The following PPM1L variants were observed in gnomAD, a reference collection of about 807,000 sequenced individuals.
PPM1L encodes the protein protein phosphatase, Mg2+/Mn2+ dependent 1L.
Under a neutral mutation model 31.4 loss-of-function variants are expected in PPM1L, and 13 were observed. The ratio of observed to expected loss-of-function variants is 0.41; its 90% CI spans 0.27 to 0.66. PPM1L has a LOEUF of 0.66. PPM1L is among the 30% of genes least tolerant of loss of function. The pLI is 0.29. For synonymous variants in PPM1L, 184 were observed against 175.4 expected (o/e 1.05, Z -0.39); for missense variants, 326 against 453.7 (o/e 0.72, Z 2.56).
chr3:160,993,025 C>T (rs1235217288), intron 2 of PPM1L, among the ~76,000 whole-genome samples: 1 of 151,664 alleles, frequency 6.6e-6, no homozygotes, highest in Non-Finnish European at 1.5e-5. Context: ...ATCCCTAACT[C>T]ATAACTGAAT....
chr3:160,954,886 C>G (rs1715692128), intron 1 of PPM1L, among the ~76,000 whole-genome samples: 1 of 145,188 alleles, frequency 6.9e-6, no homozygotes, highest in Non-Finnish European at 1.5e-5. Context: ...TTTTTGTTTT[C>G]CCTTTCTTTC....
rs1161107431 is a variant in PPM1L at position 161,068,946 on chromosome 3, A to C, written c.872A>C (p.Lys291Thr). 6.2e-7 allele frequency: 1 copy of C among 1,614,222 alleles called. No homozygotes were observed. Among genetic ancestry groups the C allele is most frequent in the Non-Finnish European group, 8.5e-7 (1 of 1,180,040 alleles). The change falls in exon 4 of 4, where the codon AAG becomes ACG. Residue 291 changes from lysine to threonine, a missense_variant. Coordinates refer to ENST00000498165, the MANE Select transcript of PPM1L (RefSeq NM_139245.4). Reference sequence around the variant, plus strand: ...GACATCCTGACCTTTGACCTGGACAAGCTTCAGCCTGAGTTCATGATCTTG... The same window carrying C: ...GACATCCTGACCTTTGACCTGGACACGCTTCAGCCTGAGTTCATGATCTTG... ...DPDILTFDLD[K>T]LQPEFMILAS...
intron 1 of PPM1L, among the ~76,000 whole-genome samples, chr3:160,935,334 T>C (rs1056122871): frequency 1.3e-5 from 2 of 152,228 alleles, no homozygotes; most frequent in Admixed American, 6.5e-5. Flanking sequence ...CTTAATCTTC[T>C]TTAAAGAATG....
chr3:160,833,003 A>C (rs564757033), intron 1 of PPM1L, among the ~76,000 whole-genome samples: 1 of 152,118 alleles, frequency 6.6e-6, no homozygotes, highest in African/African-American at 2.4e-5. Context: ...CCCACTTATA[A>C]GTGAGAACAT....
At chr3:160,805,313 G>A (rs1295454949) in intron 1 of PPM1L, among the ~76,000 whole-genome samples, 1 of 152,148 alleles carries the variant, frequency 6.6e-6, no homozygotes, top group African/African-American at 2.4e-5. Context: ...AAGTGAAAAA[G>A]TAGGGGACGA....
intron 2 of PPM1L, among the ~76,000 whole-genome samples, chr3:161,034,472 G>T (rs927891833): frequency 2.6e-5 from 4 of 152,140 alleles, no homozygotes; most frequent in African/African-American, 9.7e-5. Flanking sequence ...ACTGGATAAA[G>T]AAAATGTGGC....
chr3:160,916,764 A>T (rs1268994062), intron 1 of PPM1L, among the ~76,000 whole-genome samples: 3 of 151,558 alleles, frequency 2.0e-5, no homozygotes, highest in Non-Finnish European at 4.4e-5. Flanking sequence ...TTCTTATTCC[A>T]TTTCTAGGTA....
chr3:160,884,665 A>G (rs904725306), intron 1 of PPM1L, among the ~76,000 whole-genome samples: 5 of 149,782 alleles, frequency 3.3e-5, no homozygotes, highest in African/African-American at 5.0e-5. Context: ...GCTAGTACAC[A>G]TATTTTAATC....
chr3:161,046,254 G>A (rs1290319341), intron 2 of PPM1L, among the ~76,000 whole-genome samples: 2 of 151,588 alleles, frequency 1.3e-5, no homozygotes, highest in African/African-American at 4.9e-5. Context: ...TGATAAAGGG[G>A]ATATCACCAC....
At chr3:160,797,997 G>A (rs1349705361) in intron 1 of PPM1L, among the ~76,000 whole-genome samples, 3 of 152,132 alleles carry the variant, frequency 2.0e-5, no homozygotes, top group Non-Finnish European at 4.4e-5. Context: ...GGCCAACATG[G>A]TGAAACCCCG....
At chr3:160,906,040 C>A (rs1289111451) in intron 1 of PPM1L, among the ~76,000 whole-genome samples, 1 of 151,828 alleles carries the variant, frequency 6.6e-6, no homozygotes, top group Non-Finnish European at 1.5e-5. Context: ...AGTTTTCTTT[C>A]TTTCTATTTC....
At chr3:160,882,435 TA>T (rs1560137305) in intron 1 of PPM1L, 1 of 152,204 alleles carries the variant, frequency 6.6e-6, no homozygotes, top group African/African-American at 2.4e-5. Flanking sequence ...TAAACTGTAA[TA>T]AAAAGCAGAA....
chr3:160,963,502 C>T (rs1449956224), intron 2 of PPM1L, among the ~76,000 whole-genome samples: 1 of 152,026 alleles, frequency 6.6e-6, no homozygotes, highest in Non-Finnish European at 1.5e-5. Context: ...GAATTTGGGA[C>T]TAAATACACC....
intron 1 of PPM1L, among the ~76,000 whole-genome samples, chr3:160,862,707 A>C (rs1316760): frequency 9.1e-6 from 1 of 110,144 alleles, no homozygotes; most frequent in African/African-American, 3.4e-5. Flanking sequence ...CACACACAAA[A>C]TTCTGAAACC....
intron 2 of PPM1L, among the ~76,000 whole-genome samples, chr3:160,962,133 T>C (rs1715986827): frequency 6.6e-6 from 1 of 152,126 alleles, no homozygotes; most frequent in African/African-American, 2.4e-5. Context: ...TGTTTTTTAT[T>C]GGGATTTTTT....
At chr3:160,897,207 T>A (rs1330702225) in intron 1 of PPM1L, among the ~76,000 whole-genome samples, 1 of 152,038 alleles carries the variant, frequency 6.6e-6, no homozygotes, top group Non-Finnish European at 1.5e-5. Flanking sequence ...CACACCCAGC[T>A]AATATTTGTA....
intron 3 of PPM1L, among the ~76,000 whole-genome samples, chr3:161,068,236 A>G (rs771061562): frequency 3.3e-5 from 5 of 152,224 alleles, no homozygotes; most frequent in Admixed American, 2.0e-4. Context: ...GATCAGAGAA[A>G]GAGTTTCTCA....
At chr3:160,983,110 G>T (rs1378612497) in intron 2 of PPM1L, among the ~76,000 whole-genome samples, 1 of 152,224 alleles carries the variant, frequency 6.6e-6, no homozygotes, top group Non-Finnish European at 1.5e-5. Context: ...ATCAGCTTGT[G>T]AGAAGTATTG....
intron 1 of PPM1L, among the ~76,000 whole-genome samples, chr3:160,769,723 A>T (rs1013689413): frequency 6.6e-6 from 1 of 151,892 alleles, no homozygotes; most frequent in Non-Finnish European, 1.5e-5. Flanking sequence ...TTACTTTACT[A>T]TCTCCTGTTT....
Sources: allele counts gnomAD v4.1 joint callset (sites outside exome capture counted in the v4.1 genomes callset), GRCh38; gene constraint gnomAD v4.1.1; transcripts MANE v1.5; gene names NCBI Gene and HGNC (gene_info 2026-07-23, HGNC 2026-07-21).